The following WBP2NL variants were observed in gnomAD, a reference collection of about 807,000 sequenced individuals.
WBP2NL encodes postacrosomal sheath WW domain-binding protein.
WBP2NL carries 27 observed loss-of-function variants against 23.3 expected under a neutral mutation model. The ratio of observed to expected loss-of-function variants is 1.16; its 90% confidence interval spans 0.85 to 1.60. The LOEUF (loss-of-function observed/expected upper bound fraction) is 1.60, where lower values mean the gene tolerates loss of function less well. Among genes scored for constraint, WBP2NL ranks in the 40% most tolerant of loss-of-function variants. WBP2NL has a pLI of 0.00. For synonymous variants in WBP2NL, 151 were observed against 145.9 expected, an observed-to-expected ratio of 1.03 and a Z score of -0.25; for missense variants, 370 against 389.5, an observed-to-expected ratio of 0.95 and a Z score of 0.42.
intron 1 of WBP2NL, among the ~76,000 whole-genome samples, chr22:42,005,962 T>C (rs1335356417): frequency 6.6e-6 from 1 of 152,216 alleles, no homozygotes; most frequent in Non-Finnish European, 1.5e-5. Context: ...CAACAGTTTT[T>C]TGAGATGCTC....
intron 8 of WBP2NL, among the ~76,000 whole-genome samples, chr22:42,047,840 C>G (rs1270286479): frequency 1.3e-5 from 2 of 151,266 alleles, no homozygotes; most frequent in Non-Finnish European, 2.9e-5. Flanking sequence ...CCAGGATGGT[C>G]TTGATCTCCT....
chr22:41,998,805 A>G lies in WBP2NL; in HGVS notation c.-14A>G. 1 of 1,605,654 alleles carries G rather than the reference A, an allele frequency of 6.2e-7. No homozygotes were observed. The highest frequency in any genetic ancestry group is 1.3e-5 in the African/African-American group (1 of 74,582). On this transcript the variant is annotated 5_prime_UTR_variant, in exon 1 of 6. Transcript: ENST00000328823. ...CCCTTTCCATCTACGGGGCGGCAGG[A>G]GGCCCGAAGCAAGATGGCGGTGAAT...
chr22:42,000,995 A>C, intron 1 of WBP2NL: 1 of 525,828 alleles, frequency 1.9e-6, no homozygotes, highest in Non-Finnish European at 3.4e-6. Flanking sequence ...TCCGTCTCAA[A>C]AAAAAAGAAT....
intron 4 of WBP2NL, among the ~76,000 whole-genome samples, chr22:42,020,895 TA>T (rs1923885252): frequency 3.8e-4 from 23 of 61,106 alleles, no homozygotes; most frequent in Admixed American, 5.1e-4. Flanking sequence ...TATATATATA[TA>T]TATATATATA....
chr22:42,012,325 C>T (rs1233935241), intron 1 of WBP2NL, among the ~76,000 whole-genome samples: 5 of 152,026 alleles, frequency 3.3e-5, no homozygotes, highest in Non-Finnish European at 4.4e-5. Context: ...GATCTTTCTT[C>T]TTTATTAAAG....
intron 5 of WBP2NL, among the ~76,000 whole-genome samples, chr22:42,024,535 T>C (rs1701554788): frequency 1.3e-5 from 2 of 152,292 alleles, no homozygotes; most frequent in South Asian, 4.1e-4. Context: ...AAAGCCATTC[T>C]AGTGGGTATG....
At chr22:42,011,964 AT>A (rs1195140279) in intron 1 of WBP2NL, among the ~76,000 whole-genome samples, 1 of 151,422 alleles carries the variant, frequency 6.6e-6, no homozygotes, top group Non-Finnish European at 1.5e-5. Context: ...TATACTAGAG[AT>A]GGGGTTTCGC....
At chr22:42,015,336 A>G (rs1048246223) in intron 1 of WBP2NL, among the ~76,000 whole-genome samples, 2 of 152,172 alleles carry the variant, frequency 1.3e-5, no homozygotes, top group Admixed American at 6.6e-5. Flanking sequence ...GTGTTGGAGC[A>G]TGAGCGTGCC....
At chr22:42,018,103 C>G (rs562734602) in intron 1 of WBP2NL, among the ~76,000 whole-genome samples, 1 of 148,892 alleles carries the variant, frequency 6.7e-6, no homozygotes, top group African/African-American at 2.5e-5. Context: ...GAGCCGAGAT[C>G]GAGCCATTGC....
At chr22:42,040,519 C>T (rs1392218728) in intron 8 of WBP2NL, among the ~76,000 whole-genome samples, 2 of 152,206 alleles carry the variant, frequency 1.3e-5, no homozygotes, top group Non-Finnish European at 2.9e-5. Context: ...GCCACCTCGC[C>T]TGACCGAGAT....
At chr22:42,019,455 T>C in intron 2 of WBP2NL, 36 bp downstream of exon 2, 1 of 1,569,566 alleles carries the variant, frequency 6.4e-7, no homozygotes, top group Non-Finnish European at 8.7e-7. Context: ...GCTGATTAAC[T>C]CTACATTTGT....
chr22:42,006,247 G>A (rs914034608), intron 1 of WBP2NL, among the ~76,000 whole-genome samples: 1 of 147,840 alleles, frequency 6.8e-6, no homozygotes, highest in African/African-American at 2.5e-5. Flanking sequence ...TCGAGACGGA[G>A]TCTCGCTCTG....
intron 1 of WBP2NL, among the ~76,000 whole-genome samples, chr22:42,004,945 A>G (rs1386474238): frequency 6.6e-6 from 1 of 151,980 alleles, no homozygotes; most frequent in African/African-American, 2.4e-5. Flanking sequence ...TAGGCTGGGC[A>G]TGGTGGCTCA....
At chr22:42,032,540 T>A (rs1411910222), downstream of WBP2NL, 4 of 259,432 alleles carry the variant, frequency 1.5e-5, no homozygotes, top group Non-Finnish European at 3.3e-5. Flanking sequence ...GCCTAGCACT[T>A]GGTTGCTTGC....
intron 4 of WBP2NL, among the ~76,000 whole-genome samples, chr22:42,021,879 C>T (rs1676187431): frequency 6.6e-6 from 1 of 151,636 alleles, no homozygotes; most frequent in African/African-American, 2.4e-5. Flanking sequence ...TCACTGCAGC[C>T]TCAAATTTCC....
Position 42,026,896 on chromosome 22 carries a change from G to C in WBP2NL, c.645G>C (p.Val215=), listed in dbSNP as rs753398629. The C allele has an allele frequency of 4.4e-6, 7 of 1,586,522 alleles. No homozygotes were observed. Among genetic ancestry groups the C allele is most frequent in the Non-Finnish European group, 6.0e-6 (7 of 1,171,376 alleles). The change falls in exon 6 of 6, where the codon GTG becomes GTC. Residue 215 remains valine, a synonymous_variant. Coordinates refer to ENST00000328823, the MANE Select transcript of WBP2NL (RefSeq NM_152613.3). ...CTGTGGGATACAGAGCCTCACCTGTGCGATATGGAGCCCCACCTCTTGGAT... is the reference window on the plus strand; with the variant it reads ...CTGTGGGATACAGAGCCTCACCTGTCCGATATGGAGCCCCACCTCTTGGAT... ...GPPVGYRASP[V]RYGAPPLGYG... is the part of the protein sequence containing the mutation.
chr22:42,025,713 A>G (rs1924412309), intron 5 of WBP2NL, among the ~76,000 whole-genome samples: 1 of 152,202 alleles, frequency 6.6e-6, no homozygotes, highest in South Asian at 2.1e-4. Context: ...TGTCTTGATT[A>G]CAGTAGTTTT....
At chr22:42,033,495 A>G (rs566973088), downstream of WBP2NL, among the ~76,000 whole-genome samples, 24 of 152,296 alleles carry the variant, frequency 1.6e-4, no homozygotes, top group African/African-American at 2.6e-4. Context: ...AAGTTCTTCA[A>G]TGAGGTGCAC....
At chr22:42,039,355 C>CCT (rs1925313231) in intron 8 of WBP2NL, among the ~76,000 whole-genome samples, 1 of 141,168 alleles carries the variant, frequency 7.1e-6, no homozygotes, top group Non-Finnish European at 1.5e-5. Context: ...GGATTACAGG[C>CCT]TTTTTTTTTT....
Sources: gnomAD v4.1 joint callset for allele counts (sites outside exome capture counted in the v4.1 genomes callset) on GRCh38, gnomAD v4.1.1 for gene constraint, MANE v1.5 for transcripts, NCBI Gene and HGNC (gene_info 2026-07-23, HGNC 2026-07-21) for gene names.